Variants in FAAH2 observed in about 807,000 individuals in gnomAD.
FAAH2 encodes fatty-acid amide hydrolase 2.
In FAAH2, 60 loss-of-function variants were observed where a neutral mutation model predicts 36.9. That is an observed-to-expected ratio of 1.63 (90% CI 1.32 to 2.02). FAAH2 has a LOEUF of 2.02. Ranked by LOEUF, FAAH2 falls within the 30% of genes most tolerant of loss-of-function variation. The pLI is 0.00. For missense variants in FAAH2, 689 were observed against 397.5 expected (o/e 1.73, Z -6.23); for synonymous variants, 214 against 143.8 (o/e 1.49, Z -3.49).
At chrX:57,141,624 G>T in the FAAH2 span, among the ~76,000 whole-genome samples, 1 of 111,228 alleles carries the variant, frequency 9.0e-6, no homozygotes, top group Admixed American at 9.5e-5. Context: ...TTATTGGTCC[G>T]TTCAGGTTTT....
chrX:57,451,080 G>A (rs2056774727), intron 10 of FAAH2, among the ~76,000 whole-genome samples: 1 of 111,458 alleles, frequency 9.0e-6, no homozygotes, highest in Admixed American at 9.6e-5. Flanking sequence ...AAAATCTTTA[G>A]GAAACATTTC....
At position 57,286,793 on chromosome X, in the gene FAAH2, C is replaced by T; in HGVS notation, c.-33C>T. The T allele has an allele frequency of 9.1e-7, 1 of 1,096,601 alleles. No homozygotes were observed. 90.4% of individuals were successfully genotyped at this position (1,096,601 alleles called of 1,213,427 possible). A position where few individuals can be genotyped will look rare whatever the true frequency, so the allele number is the denominator to read the frequency against. ...CTTTCCCCAGGGTGCACGTAACCCT[C>T]AAGCACTAGGACCGTGCGGAATCCA... is the stretch of plus-strand genomic sequence containing the variant. On this transcript the variant is annotated 5_prime_UTR_variant, in exon 1 of 11. Coordinates refer to ENST00000374900, the MANE Select transcript of FAAH2 (RefSeq NM_174912.4).
intron 3 of FAAH2, among the ~76,000 whole-genome samples, chrX:57,330,524 G>T (rs2053371516): frequency 9.0e-6 from 1 of 111,191 alleles, no homozygotes; most frequent in Admixed American, 9.5e-5. Flanking sequence ...CTGTGATCTT[G>T]CCCTGCCTCC....
the FAAH2 span, among the ~76,000 whole-genome samples, chrX:57,204,526 A>G: frequency 8.9e-6 from 1 of 112,045 alleles, no homozygotes; most frequent in South Asian, 3.7e-4. Context: ...CTCATGATAA[A>G]GTTTCAGGTG....
chrX:57,276,444 A>G, the FAAH2 span, among the ~76,000 whole-genome samples: 1 of 112,218 alleles, frequency 8.9e-6, no homozygotes, highest in African/African-American at 3.2e-5. Context: ...GGAAATTTAT[A>G]GCACTAAATG....
At chrX:57,136,919 C>G in the FAAH2 span, 5 of 732,810 alleles carry the variant, frequency 6.8e-6, no homozygotes, top group African/African-American at 1.1e-4. Flanking sequence ...ACTCCCAATC[C>G]CCTGCAAAGC....
the FAAH2 span, among the ~76,000 whole-genome samples, chrX:57,200,465 G>A: frequency 7.2e-4 from 75 of 104,329 alleles, no homozygotes; most frequent in African/African-American, 2.5e-3. Flanking sequence ...TGCAATCTCC[G>A]CCACACAGGT....
chrX:57,402,854 G>A lies in FAAH2; in HGVS notation c.996+21825G>A, dbSNP rs1005527654. Among the ~76,000 whole-genome samples the A allele has an allele frequency of 4.8e-4, 54 of 112,153 alleles. 1 individual carries two copies. Among genetic ancestry groups the A allele is most frequent in the Non-Finnish European group, 2.4e-4 (13 of 53,193 alleles). On this transcript the variant is annotated intron_variant, in intron 7 of 10. Coordinates refer to ENST00000374900, the MANE Select transcript of FAAH2 (RefSeq NM_174912.4). Reference sequence around the variant, plus strand: ...AACTGCCTGGTGGCAGAATTGTTCTGTGGGGAACTATTCTCTTTCCTCTGT... The same window carrying A: ...AACTGCCTGGTGGCAGAATTGTTCTATGGGGAACTATTCTCTTTCCTCTGT...
chrX:57,448,750 C>T (rs1569353641), intron 10 of FAAH2, 32 bp downstream of exon 10: 4 of 1,142,375 alleles, frequency 3.5e-6, no homozygotes, highest in Non-Finnish European at 4.7e-6. Flanking sequence ...ATTCTGTAAT[C>T]TTAAAGAAAT....
At chrX:57,424,818 G>GA (rs1255750062) in intron 7 of FAAH2, among the ~76,000 whole-genome samples, 7 of 111,778 alleles carry the variant, frequency 6.3e-5, no homozygotes, top group Admixed American at 2.9e-4. Context: ...CTGGAAATAT[G>GA]AAAAAATGTG....
At chrX:57,249,220 G>A in the FAAH2 span, among the ~76,000 whole-genome samples, 1 of 111,661 alleles carries the variant, frequency 9.0e-6, no homozygotes, top group Non-Finnish European at 1.9e-5. Flanking sequence ...TTAGCAACCA[G>A]AACAGTCAGT....
At chrX:57,424,944 A>G (rs778479451) in intron 7 of FAAH2, among the ~76,000 whole-genome samples, 1 of 111,819 alleles carries the variant, frequency 8.9e-6, no homozygotes, top group African/African-American at 3.2e-5. Flanking sequence ...AAGATACTCA[A>G]TGAAATCAAA....
chrX:57,257,010 T>G, the FAAH2 span, among the ~76,000 whole-genome samples: 7 of 112,082 alleles, frequency 6.2e-5, no homozygotes. Flanking sequence ...CTCACACCAG[T>G]TAGAATGGCA....
intron 2 of FAAH2, among the ~76,000 whole-genome samples, chrX:57,301,271 A>G (rs2146844082): frequency 9.0e-6 from 1 of 111,346 alleles, no homozygotes; most frequent in African/African-American, 3.3e-5. Flanking sequence ...ACAATGGAAT[A>G]CTATGCAGCC....
At position 57,331,640 on chromosome X, in the gene FAAH2, T is replaced by C; in HGVS notation, c.455T>C (p.Ile152Thr). Residue 152 changes from isoleucine to threonine, a missense_variant, in exon 4 of 11, where the codon ATT (isoleucine) becomes ACT (threonine). Coordinates refer to ENST00000374900, the MANE Select transcript of FAAH2 (RefSeq NM_174912.4). ...GGACTCATGAACCGTCGTGATGCCA[T>C]TGCCAAAACAGATGCCACTGTGGTG... ...SSGLMNRRDAIAKTDATVVAL... is the reference protein window; with the variant it reads ...SSGLMNRRDATAKTDATVVAL... 8.3e-7 allele frequency: 1 copy of C among 1,211,859 alleles called. No homozygotes were observed.
intron 9 of FAAH2, among the ~76,000 whole-genome samples, chrX:57,447,783 T>A (rs1399549944): frequency 2.7e-5 from 3 of 111,448 alleles, no homozygotes; most frequent in African/African-American, 9.8e-5. Flanking sequence ...CATGAAACCA[T>A]TTTTTCCTCT....
chrX:57,417,531 C>A (rs770952759), intron 7 of FAAH2, among the ~76,000 whole-genome samples: 12 of 112,153 alleles, frequency 1.1e-4, no homozygotes, highest in African/African-American at 2.6e-4. Flanking sequence ...CACTCCAGAC[C>A]CTGTTTGCCT....
chrX:57,140,818 G>C, the FAAH2 span, among the ~76,000 whole-genome samples: 1 of 111,139 alleles, frequency 9.0e-6, no homozygotes, highest in Non-Finnish European at 1.9e-5. Flanking sequence ...ATAGACACTA[G>C]GATTTCCAAA....
chrX:57,450,657 C>A (rs765427225), intron 10 of FAAH2, among the ~76,000 whole-genome samples: 17 of 110,903 alleles, frequency 1.5e-4, no homozygotes, highest in Non-Finnish European at 2.8e-4. Flanking sequence ...GTTTCTCAAG[C>A]TTGTATAAGC....
Sources: gnomAD v4.1 joint callset for allele counts (sites outside exome capture counted in the v4.1 genomes callset) on GRCh38, gnomAD v4.1.1 for gene constraint, MANE v1.5 for transcripts, NCBI Gene and HGNC (gene_info 2026-07-23, HGNC 2026-07-21) for gene names.